The following GALNT7 variants were observed in gnomAD, a reference collection of about 807,000 sequenced individuals.
GALNT7 encodes the protein polypeptide N-acetylgalactosaminyltransferase 7.
GALNT7 carries 60 observed loss-of-function variants against 82.1 expected under a neutral mutation model. That is an observed-to-expected ratio of 0.73 (90% CI 0.59 to 0.91). GALNT7 has a LOEUF of 0.91. GALNT7 is among the 40% of genes least tolerant of loss of function. GALNT7 has a pLI of 0.00. For synonymous variants in GALNT7, 243 were observed against 275.1 expected (o/e 0.88, Z 1.15); for missense variants, 660 against 804.2 (o/e 0.82, Z 2.17).
At chr4:173,169,197 C>A in intron 1 of GALNT7, 1 of 166,390 alleles carries the variant, frequency 6.0e-6, no homozygotes, top group South Asian at 1.9e-4. Context: ...CCGCCCCGGG[C>A]TCCGTCGCCG....
At chr4:173,280,433 T>G (rs1406327888) in intron 2 of GALNT7, among the ~76,000 whole-genome samples, 2 of 152,250 alleles carry the variant, frequency 1.3e-5, no homozygotes, top group Middle Eastern at 3.2e-3. Flanking sequence ...TTTTAAGTTA[T>G]TGGAAAATCA....
chr4:173,183,129 G>C (rs1010643009), intron 1 of GALNT7, among the ~76,000 whole-genome samples: 2 of 149,598 alleles, frequency 1.3e-5, no homozygotes, highest in Middle Eastern at 3.2e-3. Context: ...TTTAATTAAA[G>C]GTAAAAGGTA....
intron 8 of GALNT7, among the ~76,000 whole-genome samples, chr4:173,309,791 T>A (rs187760489): frequency 6.6e-5 from 10 of 152,270 alleles, no homozygotes; most frequent in Non-Finnish European, 2.9e-5. Context: ...CAACAGGGGA[T>A]GAGATTTAAA....
At chr4:173,179,638 G>A (rs1445660482) in intron 1 of GALNT7, among the ~76,000 whole-genome samples, 1 of 152,200 alleles carries the variant, frequency 6.6e-6, no homozygotes, top group Non-Finnish European at 1.5e-5. Context: ...AATTCCTAAT[G>A]TAGTATGAAG....
chr4:173,296,066 C>T (rs1736707377), intron 5 of GALNT7, among the ~76,000 whole-genome samples: 1 of 152,110 alleles, frequency 6.6e-6, no homozygotes, highest in Admixed American at 6.5e-5. Flanking sequence ...GTTCCTCACT[C>T]AAGAATCATT....
At chr4:173,179,288 C>T (rs1732173459) in intron 1 of GALNT7, among the ~76,000 whole-genome samples, 1 of 152,148 alleles carries the variant, frequency 6.6e-6, no homozygotes, top group Non-Finnish European at 1.5e-5. Context: ...GGTATGTCAG[C>T]ATTTTTATTT....
intron 7 of GALNT7, 128 bp from the exon 8 acceptor site, chr4:173,303,868 T>G (rs1004529100): frequency 2.6e-6 from 2 of 768,296 alleles, no homozygotes; most frequent in Admixed American, 5.5e-5. Flanking sequence ...AGGATTTGTT[T>G]AGTTTAAGAA....
chr4:173,200,329 C>T (rs1248116211), intron 1 of GALNT7, among the ~76,000 whole-genome samples: 1 of 151,920 alleles, frequency 6.6e-6, no homozygotes. Context: ...AGAAAGAAAG[C>T]GACTCAGATT....
intron 1 of GALNT7, among the ~76,000 whole-genome samples, chr4:173,169,812 C>T (rs1731793250): frequency 6.6e-6 from 1 of 151,980 alleles, no homozygotes; most frequent in Non-Finnish European, 1.5e-5. Context: ...TCTTCCTTGG[C>T]TGCGGCAGGG....
intron 1 of GALNT7, among the ~76,000 whole-genome samples, chr4:173,217,569 A>G (rs1214489889): frequency 6.6e-6 from 1 of 152,200 alleles, no homozygotes; most frequent in Non-Finnish European, 1.5e-5. Context: ...ATTACCTTCC[A>G]TAGCTTTCTT....
intron 1 of GALNT7, among the ~76,000 whole-genome samples, chr4:173,174,196 C>G (rs1731964431): frequency 6.6e-6 from 1 of 152,030 alleles, no homozygotes; most frequent in Non-Finnish European, 1.5e-5. Context: ...ATCACATCAC[C>G]AAGTCTGAGA....
intron 1 of GALNT7, among the ~76,000 whole-genome samples, chr4:173,221,091 T>G (rs560899078): frequency 3.3e-5 from 5 of 151,748 alleles, no homozygotes; most frequent in African/African-American, 9.7e-5. Flanking sequence ...ACTTCCACAA[T>G]GGTTGAACTA....
chr4:173,290,053 T>TA (rs1189606495), intron 2 of GALNT7, among the ~76,000 whole-genome samples: 12 of 152,344 alleles, frequency 7.9e-5, no homozygotes, highest in African/African-American at 2.6e-4. Context: ...TGTTATGTGT[T>TA]ATATGCTGGG....
At chr4:173,276,020 A>G (rs1196591597) in intron 2 of GALNT7, among the ~76,000 whole-genome samples, 2 of 152,208 alleles carry the variant, frequency 1.3e-5, no homozygotes, top group East Asian at 1.9e-4. Context: ...TTAATTATCT[A>G]GTTTCATCCT....
intron 1 of GALNT7, among the ~76,000 whole-genome samples, chr4:173,185,004 C>G (rs1027073551): frequency 1.3e-5 from 2 of 152,120 alleles, no homozygotes; most frequent in African/African-American, 2.4e-5. Context: ...ATTAATTTAC[C>G]TAATTTCTTA....
At chr4:173,301,909 A>G (rs1319133179) in intron 6 of GALNT7, 138 bp from the exon 7 acceptor site, 3 of 583,684 alleles carry the variant, frequency 5.1e-6, no homozygotes, top group Non-Finnish European at 6.2e-6. Context: ...TAAAGGCTTT[A>G]TAATTTCTTA....
At chr4:173,262,341 T>C (rs1407670944) in intron 2 of GALNT7, among the ~76,000 whole-genome samples, 4 of 152,236 alleles carry the variant, frequency 2.6e-5, no homozygotes, top group African/African-American at 9.6e-5. Context: ...ACAGGACATT[T>C]TACCATTGTA....
Position 173,168,893 on chromosome 4 carries a change from G to A in GALNT7, c.58G>A (p.Gly20Arg). The change falls in exon 1 of 12, where the codon GGG (glycine) becomes AGG (arginine). Residue 20 changes from glycine to arginine, a missense_variant. Physicochemically the swap from Gly to Arg is moderately radical, Grantham distance 125 (BLOSUM62 -2). Transcript: ENST00000265000. The stretch of plus-strand genomic sequence containing the variant: ...TTTGCTGGTGGTGGGAAGCTTCCTG[G>A]GGCTAGTGGTCCTCTGGTCTTCCCT... ...RSLLVVGSFL[G>R]LVVLWSSLTP... 1 of 1,613,730 alleles carries A rather than the reference G, an allele frequency of 6.2e-7. No homozygotes were observed. Among genetic ancestry groups the A allele is most frequent in the Non-Finnish European group, 8.5e-7 (1 of 1,179,754 alleles).
chr4:173,295,914 T>C, intron 5 of GALNT7, 71 bp downstream of exon 5: 1 of 862,558 alleles, frequency 1.2e-6, no homozygotes, highest in Non-Finnish European at 2.0e-6. Context: ...AATAATATTT[T>C]CATCCTTTGA....
Sources: gnomAD v4.1 joint callset for allele counts (sites outside exome capture counted in the v4.1 genomes callset) on GRCh38, gnomAD v4.1.1 for gene constraint, MANE v1.5 for transcripts, NCBI Gene and HGNC (gene_info 2026-07-23, HGNC 2026-07-21) for gene names.